ERC2: variants seen among roughly 807,000 people sequenced by gnomAD.
ERC2 encodes ERC protein 2.
A neutral mutation model predicts 114.8 loss-of-function variants in ERC2; 42 were observed. The ratio of observed to expected loss-of-function variants is 0.37; its 90% CI spans 0.29 to 0.47. ERC2 has a LOEUF of 0.47. Ranked by LOEUF, ERC2 falls within the 20% of genes least tolerant of loss-of-function variation. The pLI is 0.99. For synonymous variants in ERC2, 454 were observed against 425.5 expected (o/e 1.07, Z -0.82); for missense variants, 939 against 1,150.7 (o/e 0.82, Z 2.66).
intron 17 of ERC2, among the ~76,000 whole-genome samples, chr3:55,515,140 A>G (rs527579143): frequency 9.2e-5 from 14 of 152,368 alleles, no homozygotes; most frequent in African/African-American, 2.4e-4. Flanking sequence ...AGATTTATTA[A>G]GTGACTGATG....
Position 55,943,373 on chromosome 3 carries a change from G to A in ERC2, c.2403+7052C>T, listed in dbSNP as rs2066926911. On this transcript the variant is annotated intron_variant, in intron 13 of 17. Transcript: ENST00000288221. ...AAATAGAATAGAAGAAGATATAGATGCTCCCAAACACACACCTCAGAGGTC... is the reference window on the plus strand; with the variant it reads ...AAATAGAATAGAAGAAGATATAGATACTCCCAAACACACACCTCAGAGGTC... Among the ~76,000 whole-genome samples, 2 of 152,068 alleles carry A rather than the reference G, an allele frequency of 1.3e-5. 1 individual carries two copies. Among genetic ancestry groups the A allele is most frequent in the South Asian group, 4.1e-4 (2 of 4,824 alleles).
chr3:55,680,225 CAT>C (rs1273056845), intron 17 of ERC2, among the ~76,000 whole-genome samples: 1 of 152,144 alleles, frequency 6.6e-6, no homozygotes, highest in Non-Finnish European at 1.5e-5. Flanking sequence ...TAAAAATTTG[CAT>C]ATGTTTTCAA....
intron 6 of ERC2, among the ~76,000 whole-genome samples, chr3:56,084,918 GA>G (rs1029969584): frequency 8.3e-5 from 12 of 144,852 alleles, no homozygotes; most frequent in African/African-American, 2.5e-4. Flanking sequence ...GCATTTAAAA[GA>G]AAAAAAAAGT....
intron 2 of ERC2, among the ~76,000 whole-genome samples, chr3:56,409,564 T>C (rs2060862593): frequency 6.6e-6 from 1 of 151,200 alleles, no homozygotes; most frequent in Admixed American, 6.6e-5. Flanking sequence ...TGGTGATATT[T>C]AAATGAACTG....
At chr3:55,684,423 G>A (rs969285510) in intron 16 of ERC2, among the ~76,000 whole-genome samples, 13 of 152,044 alleles carry the variant, frequency 8.6e-5, no homozygotes, top group African/African-American at 2.9e-4. Flanking sequence ...AACATGCTGC[G>A]ATCTTCTTAG....
intron 12 of ERC2, chr3:55,955,206 G>T (rs753788786): frequency 7.9e-6 from 4 of 508,718 alleles, no homozygotes; most frequent in Admixed American, 4.0e-5. Context: ...AATAGTTTTG[G>T]GAGGAAATGG....
At position 55,767,301 on chromosome 3, in the gene ERC2, C is replaced by T. The variant is rs1377558461; in HGVS notation, c.2565-32383G>A. Among the ~76,000 whole-genome samples, 4 of 152,198 alleles carry T rather than the reference C, an allele frequency of 2.6e-5. No homozygotes were observed. In the East Asian group the frequency reaches 7.7e-4, roughly 29 times the overall value. Reference sequence around the variant, plus strand: ...AAGGGTGCCAGCTTCCAAGTCACTACTACTTTTTTCCATTGCTAACATATC... The same window carrying T: ...AAGGGTGCCAGCTTCCAAGTCACTATTACTTTTTTCCATTGCTAACATATC... On this transcript the variant is annotated intron_variant, in intron 14 of 17. Coordinates refer to ENST00000288221, the MANE Select transcript of ERC2 (RefSeq NM_015576.3).
At chr3:55,831,981 G>C (rs2060622703) in intron 14 of ERC2, among the ~76,000 whole-genome samples, 1 of 152,330 alleles carries the variant, frequency 6.6e-6, no homozygotes, top group South Asian at 2.1e-4. Flanking sequence ...AGGGTCCTAC[G>C]TCCACGGAGT....
intron 1 of ERC2, among the ~76,000 whole-genome samples, chr3:56,456,885 G>A (rs563559977): frequency 6.6e-6 from 1 of 152,342 alleles, no homozygotes; most frequent in South Asian, 2.1e-4. Flanking sequence ...ATAAGCTACA[G>A]CACAGAAGAT....
chr3:55,834,804 A>AAAATCAATGAAT, intron 14 of ERC2, among the ~76,000 whole-genome samples: 1 of 100,740 alleles, frequency 9.9e-6, no homozygotes, highest in Middle Eastern at 5.4e-3. Flanking sequence ...ACCCTTCAAA[A>AAAATCAATGAAT]CCAGGAGCTG....
intron 2 of ERC2, among the ~76,000 whole-genome samples, chr3:56,315,636 T>C (rs2056828535): frequency 1.3e-5 from 2 of 152,080 alleles, no homozygotes; most frequent in Admixed American, 6.5e-5. Context: ...ACCAGTGAAA[T>C]AGAAATTTCT....
chr3:55,931,657 T>G (rs1433433274), intron 13 of ERC2, among the ~76,000 whole-genome samples: 2 of 152,018 alleles, frequency 1.3e-5, no homozygotes, highest in African/African-American at 4.8e-5. Context: ...ATGTAGATGA[T>G]GGGTTGATGG....
At chr3:55,852,172 A>T (rs916665240) in intron 14 of ERC2, among the ~76,000 whole-genome samples, 1 of 152,184 alleles carries the variant, frequency 6.6e-6, no homozygotes, top group African/African-American at 2.4e-5. Context: ...GTGAACTGAG[A>T]TCGCACCACT....
chr3:55,744,302 G>A (rs1020820894), intron 14 of ERC2, among the ~76,000 whole-genome samples: 2 of 152,180 alleles, frequency 1.3e-5, no homozygotes, highest in South Asian at 2.1e-4. Context: ...TACTCAGGAG[G>A]CTGACACAGG....
intron 2 of ERC2, among the ~76,000 whole-genome samples, chr3:56,381,086 T>C (rs778185213): frequency 6.6e-6 from 1 of 152,220 alleles, no homozygotes; most frequent in South Asian, 2.1e-4. Flanking sequence ...CTTTAGGACT[T>C]TGCATTATTT....
intron 13 of ERC2, among the ~76,000 whole-genome samples, chr3:55,913,333 T>A (rs538567506): frequency 3.3e-5 from 5 of 152,342 alleles, no homozygotes; most frequent in South Asian, 2.1e-4. Flanking sequence ...CCAAATTTTT[T>A]AATTTATAAA....
At chr3:56,331,762 C>A (rs937709256) in intron 2 of ERC2, among the ~76,000 whole-genome samples, 4 of 152,324 alleles carry the variant, frequency 2.6e-5, no homozygotes, top group Admixed American at 2.0e-4. Context: ...GCCTTCCCTA[C>A]CCAAGTCAGT....
chr3:55,712,916 G>T (rs1457467226), intron 15 of ERC2, among the ~76,000 whole-genome samples: 2 of 152,114 alleles, frequency 1.3e-5, no homozygotes, highest in African/African-American at 2.4e-5. Flanking sequence ...TCCTTTGAGA[G>T]AATTCTTTGA....
rs563024847 is a variant in ERC2 at position 55,891,337 on chromosome 3, T to A, written c.2404-2788A>T. Among the ~76,000 whole-genome samples the A allele has an allele frequency of 2.0e-5, 3 of 151,684 alleles. No homozygotes were observed. In the South Asian group the frequency reaches 6.2e-4, roughly 32 times the overall value. Reference sequence around the variant, plus strand: ...AAGCCCAGGGCAAACCCACATCACATAGGCAAAATATAAACCTTTGTTGTG... The same window carrying A: ...AAGCCCAGGGCAAACCCACATCACAAAGGCAAAATATAAACCTTTGTTGTG... On this transcript the variant is annotated intron_variant, in intron 13 of 17. Transcript: ENST00000288221.
Sources: gnomAD v4.1 joint callset for allele counts (sites outside exome capture counted in the v4.1 genomes callset) on GRCh38, gnomAD v4.1.1 for gene constraint, MANE v1.5 for transcripts, NCBI Gene and HGNC (gene_info 2026-07-23, HGNC 2026-07-21) for gene names.